ATF7IP: variants seen among roughly 807,000 people sequenced by gnomAD.
The protein encoded by ATF7IP is activating transcription factor 7 interacting protein.
In ATF7IP, 23 loss-of-function variants were observed where a neutral mutation model predicts 106.4. The observed-to-expected ratio is 0.22, with a 90% CI of 0.16 to 0.31. The LOEUF is 0.31. ATF7IP is among the 10% of genes least tolerant of loss of function. ATF7IP has a pLI of 1.00. For synonymous variants in ATF7IP, 542 were observed against 539.0 expected (o/e 1.01, Z -0.08); for missense variants, 1,334 against 1,524.3 (o/e 0.88, Z 2.08).
At chr12:14,385,611 T>G (rs1591768148) in intron 1 of ATF7IP, among the ~76,000 whole-genome samples, 1 of 152,292 alleles carries the variant, frequency 6.6e-6, no homozygotes, top group Admixed American at 6.5e-5. Context: ...CCATTTTATG[T>G]TCTGTCATTG....
chr12:14,391,480 C>G (rs932569343), intron 1 of ATF7IP, among the ~76,000 whole-genome samples: 3 of 152,120 alleles, frequency 2.0e-5, no homozygotes. Context: ...ATTACTTCTG[C>G]TCTCGTACTG....
At position 14,424,704 on chromosome 12, in the gene ATF7IP, A is replaced by G. The variant is rs752935935; in HGVS notation, c.789A>G (p.Glu263=). ...CCTCTGGTGATCTATCCTCTAGTGA[A>G]CTGGCCTCTGATGATCTGGCCACTG... is the stretch of plus-strand genomic sequence containing the variant. ...DLASGDLSSS[E]LASDDLATGE... Residue 263 remains glutamate (E), a synonymous_variant, in exon 2 of 15, where the codon GAA becomes GAG. Coordinates refer to ENST00000261168, the MANE Select transcript of ATF7IP (RefSeq NM_018179.5). 4 of 1,613,952 alleles carry G rather than the reference A, an allele frequency of 2.5e-6. No individual in the cohort carries two copies. Among genetic ancestry groups the G allele is most frequent in the African/African-American group, 2.7e-5 (2 of 74,876 alleles).
chr12:14,382,835 T>C (rs1258802547), intron 1 of ATF7IP, among the ~76,000 whole-genome samples: 1 of 152,178 alleles, frequency 6.6e-6, no homozygotes, highest in Non-Finnish European at 1.5e-5. Context: ...AATGATGATA[T>C]GCATAAAAGA....
At position 14,473,681 on chromosome 12, in the gene ATF7IP, C is replaced by T. The variant is rs150060146; in HGVS notation, c.2863-2209C>T. On this transcript the variant is annotated intron_variant, in intron 10 of 14. Transcript: ENST00000261168. ...TCAAACTGAAGAATGTCCTTAAGCT[C>T]ATCTTTACAGTGTAGATCTGCTAGT... is the stretch of plus-strand genomic sequence containing the variant. 2.0e-5 allele frequency among the ~76,000 whole-genome samples: 3 copies of T among 152,104 alleles called. No individual in the cohort carries two copies. The East Asian group carries it at 5.8e-4, about 29-fold the overall frequency.
At chr12:14,468,992 T>G (rs1943937461) in intron 10 of ATF7IP, among the ~76,000 whole-genome samples, 1 of 152,216 alleles carries the variant, frequency 6.6e-6, no homozygotes, top group South Asian at 2.1e-4. Context: ...ACATTTTAAG[T>G]ACAATTGGCT....
chr12:14,403,163 C>T (rs1591797805), intron 1 of ATF7IP, among the ~76,000 whole-genome samples: 1 of 151,814 alleles, frequency 6.6e-6, no homozygotes, highest in East Asian at 1.9e-4. Flanking sequence ...TTTATCAGTG[C>T]TTAATTTTAA....
At chr12:14,383,644 C>T (rs1246521905) in intron 1 of ATF7IP, among the ~76,000 whole-genome samples, 2 of 152,170 alleles carry the variant, frequency 1.3e-5, no homozygotes, top group Non-Finnish European at 2.9e-5. Context: ...CCTTGAACTT[C>T]TGGGCTCAAG....
At chr12:14,441,862 C>T (rs555417554) in intron 5 of ATF7IP, among the ~76,000 whole-genome samples, 80 of 152,232 alleles carry the variant, frequency 5.3e-4, no homozygotes, top group Admixed American at 1.8e-3. Context: ...AATATTTTCT[C>T]CCGTTCTGTA....
In ATF7IP at chr12:14,406,252, C is replaced by A. The variant is rs1402813440; in HGVS notation, c.-7-17657C>A. Among the ~76,000 whole-genome samples, 3 of 152,168 alleles carry A rather than the reference C, an allele frequency of 2.0e-5. No individual in the cohort carries two copies. The East Asian group carries it at 5.8e-4, about 29-fold the overall frequency. Reference sequence around the variant, plus strand: ...TAGCTGGGGCTACAGATGTCTGCCACCACGCCTGGCTGATTGCTGTATTTT... The same window carrying A: ...TAGCTGGGGCTACAGATGTCTGCCAACACGCCTGGCTGATTGCTGTATTTT... On this transcript the variant is annotated intron_variant, in intron 1 of 14. Coordinates refer to ENST00000261168, the MANE Select transcript of ATF7IP (RefSeq NM_018179.5).
At position 14,479,623 on chromosome 12, in the gene ATF7IP, AATT is replaced by A. The variant is rs1379945877; in HGVS notation, c.3097+1155_3097+1157del. On this transcript the variant is annotated intron_variant, in intron 12 of 14. Transcript: ENST00000261168. Reference sequence around the variant, plus strand: ...TTGTTAATTAACCTTTGAGTTATGAAATTATTGTTGATGCAGCAAATGTGTGGT... The same window carrying A: ...TTGTTAATTAACCTTTGAGTTATGAAATTGTTGATGCAGCAAATGTGTGGT... 6.6e-5 allele frequency among the ~76,000 whole-genome samples: 10 copies of A among 152,238 alleles called. No homozygotes were observed. In the South Asian group the frequency reaches 2.1e-3, roughly 32 times the overall value.
intron 3 of ATF7IP, among the ~76,000 whole-genome samples, chr12:14,435,100 G>A (rs1050015618): frequency 6.6e-6 from 1 of 150,912 alleles, no homozygotes; most frequent in Admixed American, 6.6e-5. Context: ...AGAGAGAGAA[G>A]GAGGGAGGGA....
intron 1 of ATF7IP, among the ~76,000 whole-genome samples, chr12:14,405,135 G>A (rs1467639256): frequency 6.6e-6 from 1 of 152,062 alleles, no homozygotes; most frequent in East Asian, 1.9e-4. Flanking sequence ...TGCCAGTGGA[G>A]GTGCTGGTTC....
intron 1 of ATF7IP, among the ~76,000 whole-genome samples, chr12:14,369,721 A>G (rs1938456430): frequency 6.6e-6 from 1 of 152,316 alleles, no homozygotes; most frequent in Non-Finnish European, 1.5e-5. Context: ...ATCTATGTGG[A>G]CATATCTGTG....
chr12:14,483,519 C>T (rs963443049), intron 13 of ATF7IP, among the ~76,000 whole-genome samples: 1 of 152,034 alleles, frequency 6.6e-6, no homozygotes, highest in Non-Finnish European at 1.5e-5. Flanking sequence ...GGGAGCGTTC[C>T]TCCCTCTGGA....
At chr12:14,471,837 T>C (rs1422005175) in intron 10 of ATF7IP, among the ~76,000 whole-genome samples, 1 of 151,252 alleles carries the variant, frequency 6.6e-6, no homozygotes, top group East Asian at 2.0e-4. Context: ...CAAGATGACA[T>C]TTGGGTGGAG....
intron 13 of ATF7IP, among the ~76,000 whole-genome samples, chr12:14,484,718 A>G (rs1471337306): frequency 1.3e-5 from 2 of 152,176 alleles, no homozygotes; most frequent in African/African-American, 4.8e-5. Flanking sequence ...AAGAGAACGC[A>G]GCGTGACAGG....
At chr12:14,492,513 AATTG>A (rs59337527) in intron 13 of ATF7IP, among the ~76,000 whole-genome samples, 61,114 of 151,600 alleles carry the variant, frequency 0.4, 13,013 homozygotes, top group East Asian at 0.59. Flanking sequence ...CAAGTCTGGA[AATTG>A]ATTGAGGGGT....
chr12:14,466,561 A>T lies in ATF7IP; in HGVS notation c.2833A>T (p.Ser945Cys). The T allele has an allele frequency of 2.5e-6, 4 of 1,604,948 alleles. No homozygotes were observed. The highest frequency in any genetic ancestry group is 3.4e-6 in the Non-Finnish European group (4 of 1,177,192). ...AAACAAAACAATAGATGCTTCTGTC[A>T]GTAAGAAAGCAGCTGATAGCACATC... The part of the protein sequence containing the change: ...QTNKTIDASV[S>C]KKAADSTSQC... Residue 945 changes from serine (S) to cysteine (C), a missense_variant, in exon 10 of 15, where the codon AGT becomes TGT. Physicochemically the swap from Ser to Cys is moderately radical, Grantham distance 112. This residue lies in a region of ATF7IP where 370 missense variants were observed against 401.2 expected (regional missense o/e 0.92). Transcript: ENST00000261168.
intron 1 of ATF7IP, chr12:14,367,465 C>T (rs1357221952): frequency 6.6e-6 from 1 of 152,028 alleles, no homozygotes; most frequent in African/African-American, 2.4e-5. Flanking sequence ...GTAATTTTCT[C>T]CCTTTTATGT....
Sources: gnomAD v4.1 joint callset for allele counts (sites outside exome capture counted in the v4.1 genomes callset) on GRCh38, gnomAD v4.1.1 for gene constraint, gnomAD v4.1.1 regional missense constraint, MANE v1.5 for transcripts, NCBI Gene and HGNC (gene_info 2026-07-23, HGNC 2026-07-21) for gene names.